The following MTFR1 variants were observed in gnomAD, a reference collection of about 807,000 sequenced individuals.
The protein encoded by MTFR1 is mitochondrial fission regulator 1.
In MTFR1, 28 loss-of-function variants were observed where a neutral mutation model predicts 38.8. The ratio of observed to expected loss-of-function variants is 0.72; its 90% CI spans 0.53 to 0.99. MTFR1 has a LOEUF of 0.99. MTFR1 is among the 50% of genes least tolerant of loss of function. The pLI, the probability that MTFR1 is intolerant of heterozygous loss-of-function variation, is 0.00. For synonymous variants in MTFR1, 145 were observed against 137.0 expected (o/e 1.06, Z -0.41); for missense variants, 358 against 395.5 (o/e 0.91, Z 0.81).
chr8:65,703,879 CA>C (rs1203544496), intron 4 of MTFR1, among the ~76,000 whole-genome samples: 1 of 152,016 alleles, frequency 6.6e-6, no homozygotes, highest in East Asian at 1.9e-4. Context: ...TTAAGGATAG[CA>C]AAACAGATTG....
intron 4 of MTFR1, among the ~76,000 whole-genome samples, chr8:65,698,528 C>T (rs1245596661): frequency 1.3e-5 from 2 of 151,914 alleles, no homozygotes; most frequent in African/African-American, 2.4e-5. Flanking sequence ...GTTCCAAACT[C>T]CAAATTTTTT....
At chr8:65,765,488 C>CAAAAAAAAAAAA (rs11342419) in intron 3 of MTFR1, 11 of 44,608 alleles carry the variant, frequency 2.5e-4, no homozygotes, top group Admixed American at 3.8e-4. Context: ...GACTCCGTCT[C>CAAAAAAAAAAAA]AAAAAAAAAA....
chr8:65,685,059 CCTT>C (rs1365030064), intron 3 of MTFR1, among the ~76,000 whole-genome samples: 1 of 152,196 alleles, frequency 6.6e-6, no homozygotes, highest in Non-Finnish European at 1.5e-5. Flanking sequence ...ATGCTATCAT[CCTT>C]CTGTATCTCC....
chr8:65,713,840 T>C (rs909630838), downstream of MTFR1, among the ~76,000 whole-genome samples: 4 of 151,954 alleles, frequency 2.6e-5, no homozygotes, highest in East Asian at 1.9e-4. Context: ...CACACCACTA[T>C]GCCTGGCTAA....
chr8:65,672,546 TG>T (rs1804593606), intron 2 of MTFR1, among the ~76,000 whole-genome samples: 2 of 152,154 alleles, frequency 1.3e-5, no homozygotes, highest in African/African-American at 4.8e-5. Context: ...AGTCTCACTC[TG>T]TTGCCCAGGC....
At chr8:65,686,722 C>T (rs943622067) in intron 3 of MTFR1, among the ~76,000 whole-genome samples, 3 of 150,544 alleles carry the variant, frequency 2.0e-5, no homozygotes, top group Admixed American at 1.3e-4. Flanking sequence ...CAGGAATTTG[C>T]GACCAGCTCG....
chr8:65,728,777 T>G (rs1222477730), intron 3 of MTFR1, among the ~76,000 whole-genome samples: 1 of 152,170 alleles, frequency 6.6e-6, no homozygotes, highest in African/African-American at 2.4e-5. Flanking sequence ...AGAATAGACA[T>G]CCTGGGAGAA....
At chr8:65,712,706 C>A (rs1805986451), downstream of MTFR1, among the ~76,000 whole-genome samples, 1 of 152,216 alleles carries the variant, frequency 6.6e-6, no homozygotes, top group Non-Finnish European at 1.5e-5. Flanking sequence ...CTCACCAGAA[C>A]TGACCATTCC....
intron 4 of MTFR1, among the ~76,000 whole-genome samples, chr8:65,696,814 C>T (rs1166682004): frequency 1.3e-5 from 2 of 151,408 alleles, no homozygotes; most frequent in African/African-American, 4.9e-5. Flanking sequence ...GTATGTGCCA[C>T]CATACCTGCC....
chr8:65,718,339 G>A (rs568085480), intron 2 of MTFR1: 6 of 152,296 alleles, frequency 3.9e-5, no homozygotes, highest in South Asian at 2.1e-4. Flanking sequence ...TCACTGCAGC[G>A]AAAGGGACTT....
chr8:65,778,479 CAT>C, the MTFR1 span, among the ~76,000 whole-genome samples: 1 of 152,138 alleles, frequency 6.6e-6, no homozygotes, highest in Non-Finnish European at 1.5e-5. Context: ...CTGTCTGAAC[CAT>C]TCCAATCAAA....
chr8:65,753,282 TA>T (rs1808053290), intron 3 of MTFR1, among the ~76,000 whole-genome samples: 1 of 152,206 alleles, frequency 6.6e-6, no homozygotes, highest in Non-Finnish European at 1.5e-5. Context: ...TTAATGGGGA[TA>T]AAAGGGAGGT....
chr8:65,667,167 T>C (rs1804405276), intron 1 of MTFR1, among the ~76,000 whole-genome samples: 1 of 151,798 alleles, frequency 6.6e-6, no homozygotes, highest in Non-Finnish European at 1.5e-5. Context: ...TCCCAGCCAC[T>C]TGGGAAGCTG....
chr8:65,689,849 A>C (rs937437853), intron 3 of MTFR1, among the ~76,000 whole-genome samples: 31 of 152,330 alleles, frequency 2.0e-4, no homozygotes, highest in African/African-American at 7.2e-4. Context: ...TGTCTTTTGA[A>C]TGAGTTTGAC....
intron 4 of MTFR1, among the ~76,000 whole-genome samples, chr8:65,694,072 C>CTT (rs773434384): frequency 3.7e-4 from 41 of 109,650 alleles, no homozygotes; most frequent in East Asian, 1.3e-3. Flanking sequence ...CTGGCTAATT[C>CTT]TTTTTTTTTT....
chr8:65,748,167 G>C (rs771482837), intron 3 of MTFR1, among the ~76,000 whole-genome samples: 2 of 151,644 alleles, frequency 1.3e-5, no homozygotes, highest in Non-Finnish European at 2.9e-5. Context: ...TAAACATGGA[G>C]CAGAAACATG....
intron 7 of MTFR1, chr8:65,708,395 A>G: frequency 6.3e-6 from 2 of 317,086 alleles, no homozygotes; most frequent in South Asian, 5.7e-5. Context: ...AACAATGTAT[A>G]TTTTGTGACA....
chr8:65,704,970 A>G, intron 5 of MTFR1, 41 bp downstream of exon 5: 2 of 1,447,266 alleles, frequency 1.4e-6, no homozygotes, highest in Non-Finnish European at 1.9e-6. Flanking sequence ...CTTGCAAACT[A>G]GAAGTTAGGA....
At chr8:65,659,832 TA>T (rs1197551059) in intron 1 of MTFR1, among the ~76,000 whole-genome samples, 1 of 152,222 alleles carries the variant, frequency 6.6e-6, no homozygotes, top group African/African-American at 2.4e-5. Context: ...AAAGTATTAA[TA>T]TTTCCTGAGC....
Sources: gnomAD v4.1 joint callset for allele counts (sites outside exome capture counted in the v4.1 genomes callset) on GRCh38, gnomAD v4.1.1 for gene constraint, MANE v1.5 for transcripts, NCBI Gene and HGNC (gene_info 2026-07-23, HGNC 2026-07-21) for gene names.